NPAS3: variants seen among roughly 807,000 people sequenced by gnomAD.
The protein encoded by NPAS3 is neuronal PAS domain protein 3, also known as neuronal PAS domain-containing protein 3.
NPAS3 carries 14 observed loss-of-function variants against 73.1 expected under a neutral mutation model. The observed-to-expected ratio is 0.19, with a 90% confidence interval of 0.13 to 0.30. The LOEUF (loss-of-function observed/expected upper bound fraction) is 0.30, where lower values mean the gene tolerates loss of function less well. Ranked by LOEUF, NPAS3 falls within the 10% of genes least tolerant of loss-of-function variation. The pLI, the probability that NPAS3 is intolerant of heterozygous loss-of-function variation, is 1.00. For missense variants in NPAS3, 1,096 were observed against 1,250.0 expected (o/e 0.88, Z 1.86); for synonymous variants, 620 against 541.5 (o/e 1.14, Z -2.01).
At chr14:32,998,411 G>GT (rs528505591) in intron 1 of NPAS3, among the ~76,000 whole-genome samples, 59 of 151,422 alleles carry the variant, frequency 3.9e-4, no homozygotes, top group Admixed American at 9.2e-4. Flanking sequence ...TGGGTATGGG[G>GT]TTTTTTTTTG....
intron 4 of NPAS3, among the ~76,000 whole-genome samples, chr14:33,438,976 G>A (rs956477748): frequency 9.2e-5 from 14 of 152,088 alleles, no homozygotes; most frequent in East Asian, 1.9e-4. Flanking sequence ...TAGGCCTGTG[G>A]TGCTAAGGTC....
chr14:32,944,037 C>T (rs2036149818), intron 1 of NPAS3, among the ~76,000 whole-genome samples: 1 of 152,172 alleles, frequency 6.6e-6, no homozygotes, highest in South Asian at 2.1e-4. Context: ...GTTTCAAAAT[C>T]CTTTTAATGC....
intron 4 of NPAS3, among the ~76,000 whole-genome samples, chr14:33,426,143 A>G (rs1438448066): frequency 5.9e-5 from 9 of 152,198 alleles, no homozygotes; most frequent in Non-Finnish European, 8.8e-5. Context: ...AAGGGACAGA[A>G]TGAAGATAAG....
At chr14:33,676,299 C>A in exon 6 of NPAS3, 1 of 1,613,274 alleles carries the variant, frequency 6.2e-7, no homozygotes, top group Non-Finnish European at 8.5e-7. Context: ...AAGCTCCCCC[C>A]TGGGCGGGGT....
chr14:33,138,374 A>G (rs1184500483), intron 2 of NPAS3, among the ~76,000 whole-genome samples: 1 of 152,196 alleles, frequency 6.6e-6, no homozygotes, highest in East Asian at 1.9e-4. Flanking sequence ...TAAATATAGT[A>G]GTCATACAGT....
At chr14:33,332,573 G>A (rs758824286) in intron 3 of NPAS3, among the ~76,000 whole-genome samples, 19 of 152,246 alleles carry the variant, frequency 1.2e-4, no homozygotes, top group African/African-American at 3.4e-4. Flanking sequence ...TTAATCCAAC[G>A]TAGATTAACC....
intron 6 of NPAS3, among the ~76,000 whole-genome samples, chr14:33,734,919 C>G (rs1313284714): frequency 6.6e-6 from 1 of 152,134 alleles, no homozygotes; most frequent in Non-Finnish European, 1.5e-5. Context: ...ACCAGCCCAG[C>G]CTCAAGTAAA....
intron 5 of NPAS3, among the ~76,000 whole-genome samples, chr14:33,576,155 A>C (rs887060421): frequency 5.9e-5 from 9 of 152,172 alleles, no homozygotes; most frequent in East Asian, 1.9e-4. Context: ...CTGAGGTTAT[A>C]ATGTGTGGGA....
chr14:33,341,336 G>A (rs2044468021), intron 3 of NPAS3, among the ~76,000 whole-genome samples: 1 of 152,086 alleles, frequency 6.6e-6, no homozygotes, highest in African/African-American at 2.4e-5. Context: ...CAACCCAGCA[G>A]GAATTTTAAA....
rs1253718439 is a variant in NPAS3, at chr14:33,800,534, G to A, written c.2227G>A (p.Ala743Thr). The change falls in exon 12 of 12, where the codon GCC (alanine) becomes ACC (threonine). Residue 743 changes from alanine to threonine, a missense_variant. Transcript: ENST00000356141. This position sits in a 1 kb window ranked among gnomAD's most constrained non-coding sequence, Gnocchi z 6.5. ...GGCCACCGCGGCCCTGGCCCCCGTC[G>A]CCTCCGACCCGCTGTCACCCCCGCT... 1 of 1,367,176 alleles carries A rather than the reference G, an allele frequency of 7.3e-7. No homozygotes were observed. 84.7% of individuals were successfully genotyped at this position (1,367,176 alleles called of 1,614,324 possible).
chr14:33,154,088 A>G (rs767696153), intron 2 of NPAS3, among the ~76,000 whole-genome samples: 6 of 152,196 alleles, frequency 3.9e-5, no homozygotes, highest in Non-Finnish European at 7.3e-5. Context: ...GGAAAAATAT[A>G]GGTAGAATTG....
intron 2 of NPAS3, among the ~76,000 whole-genome samples, chr14:33,184,230 C>T (rs894642923): frequency 6.6e-5 from 10 of 152,208 alleles, no homozygotes; most frequent in South Asian, 2.1e-4. Flanking sequence ...CCAGAGAAAG[C>T]GACTGCTAAG....
intron 4 of NPAS3, among the ~76,000 whole-genome samples, chr14:33,435,554 T>G (rs1256924582): frequency 1.3e-5 from 2 of 152,214 alleles, no homozygotes; most frequent in Non-Finnish European, 1.5e-5. Flanking sequence ...AATTCTGGAT[T>G]TATGTCACAG....
intron 2 of NPAS3, among the ~76,000 whole-genome samples, chr14:33,102,148 A>G (rs2042595659): frequency 6.6e-6 from 1 of 151,978 alleles, no homozygotes; most frequent in Non-Finnish European, 1.5e-5. Flanking sequence ...CCCACAATTC[A>G]TTCTTCATAT....
At chr14:33,067,419 C>A (rs1469168628) in intron 2 of NPAS3, among the ~76,000 whole-genome samples, 3 of 152,200 alleles carry the variant, frequency 2.0e-5, no homozygotes, top group Non-Finnish European at 4.4e-5. Flanking sequence ...TTTCATCTGT[C>A]CTTACACTGT....
chr14:32,988,054 T>G (rs1417248267), intron 1 of NPAS3, among the ~76,000 whole-genome samples: 1 of 152,150 alleles, frequency 6.6e-6, no homozygotes, highest in Non-Finnish European at 1.5e-5. Flanking sequence ...TAGAAAACAT[T>G]TTAACAATAA....
intron 3 of NPAS3, among the ~76,000 whole-genome samples, chr14:33,319,185 T>C (rs1178179836): frequency 6.6e-6 from 1 of 151,968 alleles, no homozygotes; most frequent in African/African-American, 2.4e-5. Context: ...ACTTCTTATG[T>C]GGTAGCTGGC....
intron 2 of NPAS3, among the ~76,000 whole-genome samples, chr14:33,191,979 A>G (rs2046187759): frequency 6.6e-6 from 1 of 152,166 alleles, no homozygotes; most frequent in African/African-American, 2.4e-5. Flanking sequence ...AAAAACAGTA[A>G]TTCATGGGAT....
intron 1 of NPAS3, among the ~76,000 whole-genome samples, chr14:32,995,904 T>A (rs2983180): frequency 0.33 from 49,638 of 152,032 alleles, 8,672 homozygotes; most frequent in African/African-American, 0.46. Flanking sequence ...ATACCTGAAA[T>A]TGTGGAAGTG....
Sources: gnomAD v4.1 joint callset for allele counts (sites outside exome capture counted in the v4.1 genomes callset) on GRCh38, gnomAD v4.1.1 for gene constraint, Gnocchi (gnomAD v3.1) non-coding constraint, MANE v1.5 for transcripts, NCBI Gene and HGNC (gene_info 2026-07-23, HGNC 2026-07-21) for gene names.